Variants in LRP1B observed in about 807,000 individuals in gnomAD.
LRP1B encodes the protein low-density lipoprotein receptor-related protein 1B.
Under a neutral mutation model 556.6 loss-of-function variants are expected in LRP1B, and 217 were observed. The ratio of observed to expected loss-of-function variants is 0.39; its 90% CI spans 0.35 to 0.44. The LOEUF (loss-of-function observed/expected upper bound fraction) is 0.44. Ranked by LOEUF, LRP1B falls within the 20% of genes least tolerant of loss-of-function variation. LRP1B has a pLI of 1.00. For synonymous variants in LRP1B, 2,047 were observed against 1,865.8 expected (o/e 1.10, Z -2.50); for missense variants, 5,053 against 5,620.8 (o/e 0.90, Z 3.23).
At chr2:141,683,115 G>A (rs141896384) in intron 2 of LRP1B, among the ~76,000 whole-genome samples, 32 of 152,242 alleles carry the variant, frequency 2.1e-4, no homozygotes, top group African/African-American at 7.2e-4. Flanking sequence ...TTGAGTGTAA[G>A]CCCCAGCAAC....
chr2:140,858,151 A>G (rs961178420), intron 27 of LRP1B, among the ~76,000 whole-genome samples: 2 of 152,148 alleles, frequency 1.3e-5, no homozygotes, highest in Admixed American at 6.5e-5. Context: ...TGAAGGATCT[A>G]ATAAACATTG....
intron 1 of LRP1B, among the ~76,000 whole-genome samples, chr2:141,844,653 G>A (rs1697583594): frequency 1.3e-5 from 2 of 152,022 alleles, no homozygotes; most frequent in South Asian, 4.1e-4. Flanking sequence ...ATAAAAAGAA[G>A]ACTCACATCC....
chr2:141,678,021 G>T (rs937946245), intron 2 of LRP1B, among the ~76,000 whole-genome samples: 1 of 152,154 alleles, frequency 6.6e-6, no homozygotes, highest in African/African-American at 2.4e-5. Context: ...ACCACTGGAT[G>T]AGAGAAGATG....
At chr2:141,942,128 T>G (rs1266392443) in intron 1 of LRP1B, among the ~76,000 whole-genome samples, 1 of 152,120 alleles carries the variant, frequency 6.6e-6, no homozygotes, top group Non-Finnish European at 1.5e-5. Flanking sequence ...TGGGTTAAAA[T>G]TCTTCGGTTA....
chr2:142,070,953 C>A (rs1705290944), intron 1 of LRP1B, among the ~76,000 whole-genome samples: 1 of 151,930 alleles, frequency 6.6e-6, no homozygotes, highest in Non-Finnish European at 1.5e-5. Context: ...CATGCATCCT[C>A]TTTCATTCAC....
chr2:142,021,281 T>G (rs913224443), intron 1 of LRP1B, among the ~76,000 whole-genome samples: 3 of 152,066 alleles, frequency 2.0e-5, no homozygotes, highest in African/African-American at 7.2e-5. Context: ...GAATAGATTT[T>G]TGAGATTTTA....
intron 31 of LRP1B, 80 bp from the exon 32 acceptor site, chr2:140,813,886 G>A: frequency 9.9e-7 from 1 of 1,005,094 alleles, no homozygotes; most frequent in Non-Finnish European, 1.4e-6. Flanking sequence ...GGATTTGAGG[G>A]GAAAAAAATA....
intron 29 of LRP1B, 117 bp from the exon 30 acceptor site, chr2:140,841,209 A>T: frequency 1.6e-6 from 1 of 633,574 alleles, no homozygotes; most frequent in Non-Finnish European, 2.6e-6. Context: ...TTTGTTAGCT[A>T]AAATCGCACA....
intron 7 of LRP1B, among the ~76,000 whole-genome samples, chr2:141,068,041 C>T (rs112081165): frequency 0.014 from 2,096 of 152,054 alleles, 42 homozygotes; most frequent in African/African-American, 0.047. Context: ...GAAAAGAAAT[C>T]TCTATTTATT....
At chr2:141,102,469 C>G (rs1302793740) in intron 7 of LRP1B, among the ~76,000 whole-genome samples, 1 of 152,086 alleles carries the variant, frequency 6.6e-6, no homozygotes, top group East Asian at 1.9e-4. Context: ...TAACCGTGCT[C>G]ATATCTATCC....
At chr2:141,031,292 T>C (rs928783229) in intron 11 of LRP1B, among the ~76,000 whole-genome samples, 8 of 145,042 alleles carry the variant, frequency 5.5e-5, no homozygotes, top group Middle Eastern at 3.5e-3. Flanking sequence ...TACATACATA[T>C]ATATATAAAG....
At chr2:141,032,684 CATT>C (rs1698406206) in intron 11 of LRP1B, among the ~76,000 whole-genome samples, 1 of 151,678 alleles carries the variant, frequency 6.6e-6, no homozygotes, top group South Asian at 2.1e-4. Flanking sequence ...ATTTCATAAT[CATT>C]GTTTTCTGTT....
chr2:141,051,837 A>G (rs1219480263), intron 10 of LRP1B, among the ~76,000 whole-genome samples: 1 of 152,040 alleles, frequency 6.6e-6, no homozygotes, highest in Non-Finnish European at 1.5e-5. Flanking sequence ...TCTTGTAGTC[A>G]TACTTCACTC....
chr2:140,722,036 C>T (rs1395273692), intron 35 of LRP1B, among the ~76,000 whole-genome samples: 1 of 152,094 alleles, frequency 6.6e-6, no homozygotes, highest in Non-Finnish European at 1.5e-5. Context: ...TATCTCTTCT[C>T]TTCCCCTGTG....
chr2:140,411,215 G>T (rs936710485), intron 66 of LRP1B, among the ~76,000 whole-genome samples: 1 of 151,948 alleles, frequency 6.6e-6, no homozygotes, highest in Non-Finnish European at 1.5e-5. Flanking sequence ...TTCTACATCT[G>T]AATGAGAACA....
At chr2:140,342,797 C>G (rs1471683529) in intron 77 of LRP1B, among the ~76,000 whole-genome samples, 5 of 151,444 alleles carry the variant, frequency 3.3e-5, no homozygotes, top group Non-Finnish European at 7.4e-5. Context: ...TAAATGCATT[C>G]AGATACATCA....
intron 3 of LRP1B, among the ~76,000 whole-genome samples, chr2:141,463,826 A>C (rs1682045687): frequency 7.0e-6 from 1 of 142,758 alleles, no homozygotes; most frequent in Non-Finnish European, 1.5e-5. Context: ...TCCAAATTAT[A>C]TATATAATTG....
chr2:141,420,670 C>G (rs757941909), intron 3 of LRP1B, among the ~76,000 whole-genome samples: 1 of 152,146 alleles, frequency 6.6e-6, no homozygotes. Flanking sequence ...GAAGATAGAA[C>G]ATTACATCCA....
At chr2:140,442,742 A>G (rs947906895) in intron 65 of LRP1B, 119 bp from the exon 66 acceptor site, 2 of 929,794 alleles carry the variant, frequency 2.2e-6, no homozygotes, top group Non-Finnish European at 3.2e-6. Flanking sequence ...CTTTAAATTA[A>G]TAGGACTCTG....
Sources: gnomAD v4.1 joint callset for allele counts (sites outside exome capture counted in the v4.1 genomes callset) on GRCh38, gnomAD v4.1.1 for gene constraint, MANE v1.5 for transcripts, NCBI Gene and HGNC (gene_info 2026-07-23, HGNC 2026-07-21) for gene names.